The following C2orf69 variants were observed in gnomAD, a reference collection of about 807,000 sequenced individuals.
The protein encoded by C2orf69 is chromosome 2 open reading frame 69, also known as mitochondrial protein C2orf69.
Under a neutral mutation model 29.5 loss-of-function variants are expected in C2orf69, and 19 were observed. The observed-to-expected ratio is 0.65, with a 90% CI of 0.45 to 0.95. The LOEUF is 0.95. C2orf69 is among the 40% of genes least tolerant of loss of function. The probability of loss-of-function intolerance (pLI) is 0.00; values close to 1 mark genes in which losing one functional copy is unlikely to be tolerated. For synonymous variants in C2orf69, 194 were observed against 180.0 expected, an observed-to-expected ratio of 1.08 and a Z score of -0.62; for missense variants, 416 against 482.1, an observed-to-expected ratio of 0.86 and a Z score of 1.28.
chr2:199,925,222 A>G lies in C2orf69; in HGVS notation c.494A>G (p.Asn165Ser), dbSNP rs2077331145. 2.5e-6 allele frequency: 4 copies of G among 1,612,524 alleles called. No individual in the cohort carries two copies. Among genetic ancestry groups the G allele is most frequent in the Non-Finnish European group, 3.4e-6 (4 of 1,179,848 alleles). Residue 165 changes from asparagine (N) to serine (S), a missense_variant, in exon 2 of 2, where the codon AAT (asparagine) becomes AGT (serine). Around this residue, in one of 4 missense-constraint regions of C2orf69, gnomAD observed 225 missense variants for 307.3 expected, o/e 0.73. Coordinates refer to ENST00000319974, the MANE Select transcript of C2orf69 (RefSeq NM_153689.6). This position sits in a 1 kb window ranked among gnomAD's most constrained non-coding sequence, Gnocchi z 4.9. ...MHLHKFSCYD[N>S]FVKSNMFGAP... ...TTGCACAAATTCAGCTGCTATGACA[A>G]TTTTGTGAAAAGTAACATGTTTGGT...
intron 1 of C2orf69, among the ~76,000 whole-genome samples, chr2:199,920,548 A>G (rs946126456): frequency 3.9e-5 from 6 of 152,318 alleles, no homozygotes; most frequent in African/African-American, 1.2e-4. Context: ...TTCCTTAACT[A>G]TAAAAAGGAT....
At position 199,927,330 on chromosome 2, in the gene C2orf69, A is replaced by G. The variant is rs935096149; in HGVS notation, c.*1444A>G. On this transcript the variant is annotated 3_prime_UTR_variant, in exon 2 of 2. Transcript: ENST00000319974. ...GACTAAAAAAAAAAAAAAAAAAAAG[A>G]CACTGAAGCTTAATACCTTAATGAC... 6.7e-6 allele frequency: 1 copy of G among 148,998 alleles called. No homozygotes were observed. The highest frequency in any genetic ancestry group is 2.5e-5 in the African/African-American group (1 of 40,520). The allele number at this position is 148,998 out of a possible 1,614,324, so 9.2% of individuals were successfully genotyped here.
At chr2:199,924,479 C>T (rs145537632) in intron 1 of C2orf69, among the ~76,000 whole-genome samples, 89 of 152,258 alleles carry the variant, frequency 5.8e-4, no homozygotes, top group African/African-American at 1.9e-3. Flanking sequence ...TACAAATATT[C>T]TTTGACCCAG....
chr2:199,911,444 G>T lies in C2orf69; in HGVS notation c.6G>T (p.Trp2Cys), dbSNP rs1234866068. Reference sequence around the variant, plus strand: ...CGCTCTCGCGGCGGCGACCCATGTGGGGGTTCAGGCTCCTGCGGTCGCCGC... The same window carrying T: ...CGCTCTCGCGGCGGCGACCCATGTGTGGGTTCAGGCTCCTGCGGTCGCCGC... M[W>C]GFRLLRSPPL... Residue 2 changes from tryptophan to cysteine, a missense_variant, in exon 1 of 2, where the codon TGG becomes TGT. This residue lies in a region of C2orf69 where 175 missense variants were observed against 139.9 expected (regional missense o/e 1.25). Coordinates refer to ENST00000319974, the MANE Select transcript of C2orf69 (RefSeq NM_153689.6). 1 of 1,534,350 alleles carries T rather than the reference G, an allele frequency of 6.5e-7. No homozygotes were observed.
chr2:199,916,159 CCTT>C (rs1371486993), intron 1 of C2orf69, among the ~76,000 whole-genome samples: 2 of 152,132 alleles, frequency 1.3e-5, no homozygotes, highest in Non-Finnish European at 2.9e-5. Flanking sequence ...GCAAATGTGT[CCTT>C]CTTCACATGG....
rs571169468 is a variant in C2orf69, at chr2:199,920,015, A to C, written c.334-5047A>C. Among the ~76,000 whole-genome samples the C allele has an allele frequency of 5.1e-4, 78 of 152,250 alleles. 2 individuals are homozygous for C. The South Asian group carries it at 0.016, about 32-fold the overall frequency. ...TAACTGGAGTAGTAGGCATTCTTTAAACTCTCAAGAGATTCTCTTGTGGCC... is the reference window on the plus strand; with the variant it reads ...TAACTGGAGTAGTAGGCATTCTTTACACTCTCAAGAGATTCTCTTGTGGCC... On this transcript the variant is annotated intron_variant, in intron 1 of 1. Coordinates refer to ENST00000319974, the MANE Select transcript of C2orf69 (RefSeq NM_153689.6).
In C2orf69 at chr2:199,926,166, TACA is replaced by T. The variant is rs1416466007; in HGVS notation, c.*284_*286del. The T allele has an allele frequency of 6.8e-6, 2 of 294,640 alleles. No homozygotes were observed. Among genetic ancestry groups the T allele is most frequent in the East Asian group, 1.1e-4 (2 of 18,184 alleles). The allele number at this position is 294,640 out of a possible 1,614,324, so 18.3% of individuals were successfully genotyped here. On this transcript the variant is annotated 3_prime_UTR_variant, in exon 2 of 2. Transcript: ENST00000319974. ...GATATAAGACCCTTAAAATGAAAGT[TACA>T]ACATTGTTCTTATAAAAGGTAACTA...
At position 199,922,207 on chromosome 2, in the gene C2orf69, C is replaced by G. The variant is rs181970294; in HGVS notation, c.334-2855C>G. Among the ~76,000 whole-genome samples, 645 of 151,510 alleles carry G rather than the reference C, an allele frequency of 4.3e-3. 1 individual carries two copies. Among genetic ancestry groups the G allele is most frequent in the Middle Eastern group, 6.8e-3 (2 of 294 alleles). On this transcript the variant is annotated intron_variant, in intron 1 of 1. Coordinates refer to ENST00000319974, the MANE Select transcript of C2orf69 (RefSeq NM_153689.6). Reference sequence around the variant, plus strand: ...ACCTCCTGGGCTCAAGCCATCTTCCCACTTCAGCCTCCCGAGTAGCTGGGA... The same window carrying G: ...ACCTCCTGGGCTCAAGCCATCTTCCGACTTCAGCCTCCCGAGTAGCTGGGA...
rs1267723186 is a variant in C2orf69, at chr2:199,913,277, A to T, written c.333+1506A>T. The stretch of plus-strand genomic sequence containing the variant: ...ATATAAAATATATTCTATAGAATAT[A>T]TATTCTATTATATAATATATATTCT... On this transcript the variant is annotated intron_variant, in intron 1 of 1. Transcript: ENST00000319974. Among the ~76,000 whole-genome samples the T allele has an allele frequency of 4.2e-5, 3 of 71,834 alleles. No homozygotes were observed. The Admixed American group carries it at 6.2e-4, about 15-fold the overall frequency. 47.1% of individuals were successfully genotyped at this position (71,834 alleles called of 152,430 possible). A position where few individuals can be genotyped will look rare whatever the true frequency, so the allele number is the denominator to read the frequency against.
At chr2:199,913,396 A>ATTC (rs1476564453) in intron 1 of C2orf69, among the ~76,000 whole-genome samples, 1,179 of 76,190 alleles carry the variant, frequency 0.015, 61 homozygotes, top group Non-Finnish European at 0.023. Context: ...ATAATAACAT[A>ATTC]TATTATATAT....
At chr2:199,913,525 AAT>A (rs1491295397) in intron 1 of C2orf69, among the ~76,000 whole-genome samples, 3 of 2,742 alleles carry the variant, frequency 1.1e-3, no homozygotes, top group African/African-American at 1.4e-3. Flanking sequence ...CTATATATAA[AAT>A]ATACTATATA....
intron 1 of C2orf69, among the ~76,000 whole-genome samples, chr2:199,914,843 CTG>C (rs1300427051): frequency 1.3e-5 from 2 of 152,218 alleles, no homozygotes; most frequent in Non-Finnish European, 2.9e-5. Flanking sequence ...CTCTGCCTCT[CTG>C]AGGCCTTTTC....
intron 1 of C2orf69, among the ~76,000 whole-genome samples, chr2:199,913,249 ATT>A (rs1491359177): frequency 1.1e-5 from 1 of 91,514 alleles, no homozygotes; most frequent in Non-Finnish European, 1.9e-5. Context: ...TATAATATAT[ATT>A]ATATAAAATA....
chr2:199,912,702 G>GCAGTCTCGACTCACTGCAACCT (rs1383040342), intron 1 of C2orf69, among the ~76,000 whole-genome samples: 2 of 151,898 alleles, frequency 1.3e-5, no homozygotes, highest in Admixed American at 1.3e-4. Context: ...GTGCAGTGGC[G>GCAGTCTCGACTCACTGCAACCT]CAGTCTCGAC....
chr2:199,916,131 A>G (rs981245871), intron 1 of C2orf69, among the ~76,000 whole-genome samples: 3 of 152,298 alleles, frequency 2.0e-5, no homozygotes, highest in South Asian at 2.1e-4. Flanking sequence ...GAGACTTACA[A>G]TCATGGCAGA....
chr2:199,923,802 G>A (rs1451705857), intron 1 of C2orf69, among the ~76,000 whole-genome samples: 1 of 152,158 alleles, frequency 6.6e-6, no homozygotes, highest in Admixed American at 6.5e-5. Context: ...AATTTTAAAT[G>A]TGGCTCATGT....
intron 1 of C2orf69, among the ~76,000 whole-genome samples, chr2:199,921,501 G>A (rs968047264): frequency 6.6e-6 from 1 of 152,070 alleles, no homozygotes; most frequent in African/African-American, 2.4e-5. Flanking sequence ...TCAAAAGTAA[G>A]ATATCATTTT....
At chr2:199,921,065 G>A (rs202205688) in intron 1 of C2orf69, among the ~76,000 whole-genome samples, 1 of 125,374 alleles carries the variant, frequency 8.0e-6, no homozygotes, top group East Asian at 2.5e-4. Context: ...GGAGTGCAGT[G>A]GCGCGGTCTT....
chr2:199,915,756 A>G (rs553494353), intron 1 of C2orf69, among the ~76,000 whole-genome samples: 1 of 152,112 alleles, frequency 6.6e-6, no homozygotes, highest in South Asian at 2.1e-4. Context: ...ACCTCAGGTG[A>G]TCCTCCCACC....
Sources: gnomAD v4.1 joint callset for allele counts (sites outside exome capture counted in the v4.1 genomes callset) on GRCh38, gnomAD v4.1.1 for gene constraint, gnomAD v4.1.1 regional missense constraint, Gnocchi (gnomAD v3.1) non-coding constraint, MANE v1.5 for transcripts, NCBI Gene and HGNC (gene_info 2026-07-23, HGNC 2026-07-21) for gene names.